The following GPC5 variants were observed in gnomAD, a reference collection of about 807,000 sequenced individuals.
GPC5 encodes glypican-5.
In GPC5, 47 loss-of-function variants were observed where a neutral mutation model predicts 53.9. The ratio of observed to expected loss-of-function variants is 0.87; its 90% CI spans 0.69 to 1.11. The LOEUF (loss-of-function observed/expected upper bound fraction) is 1.11, where lower values mean the gene tolerates loss of function less well. GPC5 is among the 50% of genes most tolerant of loss of function. The pLI is 0.00. For missense variants in GPC5, 748 were observed against 713.1 expected, an observed-to-expected ratio of 1.05 and a Z score of -0.56; for synonymous variants, 286 against 263.3, an observed-to-expected ratio of 1.09 and a Z score of -0.84.
At chr13:91,430,905 C>T (rs187327878) in intron 1 of GPC5, among the ~76,000 whole-genome samples, 6 of 152,214 alleles carry the variant, frequency 3.9e-5, no homozygotes, top group Middle Eastern at 3.4e-3. Context: ...GACAGGGTCT[C>T]GCTGTGTTAC....
intron 6 of GPC5, among the ~76,000 whole-genome samples, chr13:92,110,591 T>C (rs1413668817): frequency 6.6e-6 from 1 of 152,110 alleles, no homozygotes; most frequent in Non-Finnish European, 1.5e-5. Context: ...AAATTGGTAC[T>C]TGCCATTTAG....
At chr13:92,512,264 G>A (rs551797355) in intron 7 of GPC5, among the ~76,000 whole-genome samples, 1 of 151,976 alleles carries the variant, frequency 6.6e-6, no homozygotes, top group South Asian at 2.1e-4. Context: ...GCGCGCGCGC[G>A]TACGCTGTGT....
At chr13:92,384,918 AC>A (rs2043779734) in intron 7 of GPC5, among the ~76,000 whole-genome samples, 1 of 152,094 alleles carries the variant, frequency 6.6e-6, no homozygotes, top group Non-Finnish European at 1.5e-5. Context: ...ACCCATCACC[AC>A]CTTTGACTTT....
At chr13:91,986,061 CTTTT>C (rs779259362) in intron 6 of GPC5, among the ~76,000 whole-genome samples, 33 of 95,458 alleles carry the variant, frequency 3.5e-4, no homozygotes, top group Admixed American at 1.4e-3. Context: ...TTAGCCAATA[CTTTT>C]TTTTTTTTTT....
chr13:91,794,623 A>G (rs1454633945), intron 5 of GPC5, among the ~76,000 whole-genome samples: 1 of 152,204 alleles, frequency 6.6e-6, no homozygotes, highest in African/African-American at 2.4e-5. Context: ...TCAATTTGCT[A>G]ATAAATAAGT....
intron 5 of GPC5, among the ~76,000 whole-genome samples, chr13:91,775,130 A>T (rs1566677004): frequency 6.6e-6 from 1 of 152,210 alleles, no homozygotes; most frequent in Non-Finnish European, 1.5e-5. Context: ...TTGTCAGGAG[A>T]TGGGAGCAAA....
Position 91,428,047 on chromosome 13 carries a change from T to C in GPC5, c.164-20714T>C, listed in dbSNP as rs139074214. Among the ~76,000 whole-genome samples, 154 of 152,330 alleles carry C rather than the reference T, an allele frequency of 1.0e-3. 1 individual carries two copies. The highest frequency in any genetic ancestry group is 3.4e-3 in the African/African-American group (140 of 41,574). On this transcript the variant is annotated intron_variant, in intron 1 of 7. Transcript: ENST00000377067. ...GTGAGTCAATTAAACCTCTCGTCTA[T>C]ACAAATTACCCAGTCTTGAGTATGT...
intron 7 of GPC5, among the ~76,000 whole-genome samples, chr13:92,249,867 A>T (rs1486769817): frequency 1.3e-5 from 2 of 152,096 alleles, no homozygotes; most frequent in East Asian, 3.9e-4. Context: ...TGTAAGTGTT[A>T]TCCATTTACC....
At chr13:92,468,125 G>A (rs1037403540) in intron 7 of GPC5, among the ~76,000 whole-genome samples, 9 of 152,022 alleles carry the variant, frequency 5.9e-5, no homozygotes, top group Non-Finnish European at 8.8e-5. Flanking sequence ...CTTTATAGGC[G>A]AAAATAGTAC....
intron 6 of GPC5, among the ~76,000 whole-genome samples, chr13:92,022,331 G>A (rs932363212): frequency 3.9e-5 from 6 of 152,022 alleles, no homozygotes; most frequent in African/African-American, 1.2e-4. Context: ...AGCAGTTGTG[G>A]GGGAGATTCT....
chr13:91,763,075 T>A (rs2037448491), intron 5 of GPC5, among the ~76,000 whole-genome samples: 1 of 152,202 alleles, frequency 6.6e-6, no homozygotes, highest in Non-Finnish European at 1.5e-5. Flanking sequence ...TCTTTGAAGA[T>A]AACAAGACTC....
At chr13:91,413,379 G>A (rs73612186) in intron 1 of GPC5, among the ~76,000 whole-genome samples, 3,737 of 152,016 alleles carry the variant, frequency 0.025, 101 homozygotes, top group African/African-American at 0.067. Flanking sequence ...CTTACATATC[G>A]ATTTATGTAT....
At chr13:92,326,911 T>C (rs530603340) in intron 7 of GPC5, among the ~76,000 whole-genome samples, 1 of 152,216 alleles carries the variant, frequency 6.6e-6, no homozygotes, top group Admixed American at 6.5e-5. Context: ...GCCGTAAACA[T>C]TTTTCTCTTG....
In GPC5 at chr13:92,278,796, G is replaced by A. The variant is rs894030120; in HGVS notation, c.1561+133807G>A. On this transcript the variant is annotated intron_variant, in intron 7 of 7. Coordinates refer to ENST00000377067, the MANE Select transcript of GPC5 (RefSeq NM_004466.6). ...TTTGTTAGAGATCACTCCTCCCCCC[G>A]TTGACTTGTCTTGATACTCTTGTCA... Among the ~76,000 whole-genome samples the A allele has an allele frequency of 1.1e-4, 16 of 151,840 alleles. 1 individual carries two copies. The highest frequency in any genetic ancestry group is 1.9e-4 in the East Asian group (1 of 5,190).
chr13:91,485,594 G>A (rs1594151148), intron 2 of GPC5, among the ~76,000 whole-genome samples: 1 of 152,210 alleles, frequency 6.6e-6, no homozygotes, highest in East Asian at 1.9e-4. Flanking sequence ...AAAAACAAAT[G>A]AACTGAATAA....
At chr13:92,343,741 A>G (rs1258908133) in intron 7 of GPC5, among the ~76,000 whole-genome samples, 2 of 152,110 alleles carry the variant, frequency 1.3e-5, no homozygotes, top group African/African-American at 4.8e-5. Context: ...CCAACATTTG[A>G]ACTGATCAGC....
intron 7 of GPC5, among the ~76,000 whole-genome samples, chr13:92,672,866 C>G (rs1886797466): frequency 6.6e-6 from 1 of 152,132 alleles, no homozygotes. Context: ...GGGAATAACA[C>G]ACACTGGAGA....
intron 7 of GPC5, among the ~76,000 whole-genome samples, chr13:92,742,089 G>A (rs1478047261): frequency 6.6e-6 from 1 of 150,990 alleles, no homozygotes; most frequent in Non-Finnish European, 1.5e-5. Context: ...TAGTCCTTTG[G>A]GTATATACCC....
At chr13:92,615,723 G>C (rs1884660019) in intron 7 of GPC5, among the ~76,000 whole-genome samples, 1 of 152,094 alleles carries the variant, frequency 6.6e-6, no homozygotes, top group Admixed American at 6.6e-5. Context: ...AAGGCTATGA[G>C]CAATGCAACA....
Sources: allele counts gnomAD v4.1 joint callset (sites outside exome capture counted in the v4.1 genomes callset), GRCh38; gene constraint gnomAD v4.1.1; transcripts MANE v1.5; gene names NCBI Gene and HGNC (gene_info 2026-07-23, HGNC 2026-07-21).